HSPBAP1: variants seen among roughly 807,000 people sequenced by gnomAD.
The protein encoded by HSPBAP1 is HSPB1-associated protein 1.
In HSPBAP1, 27 loss-of-function variants were observed where a neutral mutation model predicts 45.2. The observed-to-expected ratio is 0.60, with a 90% CI of 0.44 to 0.82. HSPBAP1 has a LOEUF of 0.82. HSPBAP1 is among the 40% of genes least tolerant of loss of function. The pLI, the probability that HSPBAP1 is intolerant of heterozygous loss-of-function variation, is 0.00. For synonymous variants in HSPBAP1, 204 were observed against 202.7 expected (o/e 1.01, Z -0.06); for missense variants, 510 against 590.9 (o/e 0.86, Z 1.42).
chr3:122,772,529 G>C (rs1354483220), intron 2 of HSPBAP1, among the ~76,000 whole-genome samples: 1 of 151,864 alleles, frequency 6.6e-6, no homozygotes, highest in African/African-American at 2.4e-5. Flanking sequence ...AGTCAGTAGG[G>C]TAAAAAATAA....
intron 3 of HSPBAP1, among the ~76,000 whole-genome samples, chr3:122,763,986 A>G (rs1934687886): frequency 6.6e-6 from 1 of 152,030 alleles, no homozygotes; most frequent in South Asian, 2.1e-4. Flanking sequence ...TTAAAGTTCT[A>G]TGTTTTAGGG....
intron 1 of HSPBAP1, among the ~76,000 whole-genome samples, chr3:122,786,712 A>G (rs918005163): frequency 6.6e-5 from 10 of 152,228 alleles, no homozygotes; most frequent in Admixed American, 1.3e-4. Context: ...ATTAAATGCC[A>G]AAACATTTGC....
intron 6 of HSPBAP1, among the ~76,000 whole-genome samples, chr3:122,746,650 T>G (rs1190739330): frequency 6.6e-6 from 1 of 150,968 alleles, no homozygotes; most frequent in East Asian, 1.9e-4. Flanking sequence ...CCCTCTCCCC[T>G]CTCCCCACGG....
intron 2 of HSPBAP1, among the ~76,000 whole-genome samples, chr3:122,774,732 G>A (rs543235444): frequency 2.0e-5 from 3 of 152,132 alleles, no homozygotes; most frequent in Non-Finnish European, 2.9e-5. Flanking sequence ...CCCACTAGAG[G>A]ATGGCTGTGG....
intron 1 of HSPBAP1, among the ~76,000 whole-genome samples, chr3:122,780,703 T>A (rs1935419884): frequency 6.8e-6 from 1 of 148,002 alleles, no homozygotes; most frequent in Non-Finnish European, 1.5e-5. Flanking sequence ...GCGGAGAGGC[T>A]CCTCACTTCC....
At chr3:122,755,089 ATG>A (rs1211775139) in intron 5 of HSPBAP1, 169 bp downstream of exon 5, 3 of 1,225,378 alleles carry the variant, frequency 2.4e-6, no homozygotes, top group Non-Finnish European at 3.1e-6. Flanking sequence ...GCAGAGGTGT[ATG>A]TGTCTGAAGC....
chr3:122,754,463 G>T, intron 5 of HSPBAP1: 1 of 822,420 alleles, frequency 1.2e-6, no homozygotes, highest in Non-Finnish European at 1.5e-6. Context: ...ATTAGTTGTT[G>T]TCAGGGGCTG....
intron 1 of HSPBAP1, among the ~76,000 whole-genome samples, chr3:122,785,925 G>A (rs1284050409): frequency 3.3e-5 from 5 of 151,928 alleles, no homozygotes; most frequent in Non-Finnish European, 7.4e-5. Flanking sequence ...GTGCACGCGC[G>A]CACATATGGA....
At chr3:122,790,110 G>A (rs1428576502) in intron 1 of HSPBAP1, among the ~76,000 whole-genome samples, 1 of 152,104 alleles carries the variant, frequency 6.6e-6, no homozygotes, top group East Asian at 1.9e-4. Context: ...CGATCTGCCT[G>A]CCTCGCCTCC....
intron 1 of HSPBAP1, among the ~76,000 whole-genome samples, chr3:122,788,513 C>A (rs897745654): frequency 6.6e-6 from 1 of 152,176 alleles, no homozygotes; most frequent in Non-Finnish European, 1.5e-5. Context: ...ATGTTCACAG[C>A]AGCACTATTA....
Position 122,759,297 on chromosome 3 carries a change from C to T in HSPBAP1, c.496G>A (p.Gly166Ser). Residue 166 changes from glycine (G) to serine (S), a missense_variant, in exon 4 of 8, where the codon GGC becomes AGC. Gly to Ser is a moderately conservative substitution (Grantham distance 56). Coordinates refer to ENST00000306103, the MANE Select transcript of HSPBAP1 (RefSeq NM_024610.6). The part of the protein sequence containing the change: ...RNGQESTLWI[G>S]SLGAHTPCHL... ...CAGGGTGTGTGGGCTCCCAAGGAGC[C>T]AATCCACAATGTACTTTCCTGTCCA... The T allele has an allele frequency of 6.2e-7, 1 of 1,613,958 alleles. No homozygotes were observed. The highest frequency in any genetic ancestry group is 2.2e-5 in the East Asian group (1 of 44,880).
chr3:122,757,460 T>C (rs1934396115), intron 4 of HSPBAP1, among the ~76,000 whole-genome samples: 1 of 152,214 alleles, frequency 6.6e-6, no homozygotes, highest in African/African-American at 2.4e-5. Context: ...TGTGAAATCT[T>C]CCCTGATCTT....
chr3:122,772,597 A>T (rs1935039814), intron 2 of HSPBAP1, among the ~76,000 whole-genome samples: 1 of 152,160 alleles, frequency 6.6e-6, no homozygotes, highest in Admixed American at 6.5e-5. Flanking sequence ...GTGTAAAAAA[A>T]ATTCATTGAC....
chr3:122,756,194 A>G (rs994556185), intron 4 of HSPBAP1, among the ~76,000 whole-genome samples: 5 of 152,170 alleles, frequency 3.3e-5, no homozygotes, highest in African/African-American at 1.2e-4. Flanking sequence ...AAAAGAGGGA[A>G]AAACCTAGTT....
intron 4 of HSPBAP1, among the ~76,000 whole-genome samples, chr3:122,758,297 T>G (rs774679632): frequency 6.6e-6 from 1 of 152,170 alleles, no homozygotes; most frequent in African/African-American, 2.4e-5. Context: ...TAGACTCTCA[T>G]AGAACTCCAG....
intron 1 of HSPBAP1, among the ~76,000 whole-genome samples, chr3:122,780,658 C>G (rs1378771346): frequency 1.3e-5 from 2 of 148,524 alleles, no homozygotes; most frequent in African/African-American, 2.5e-5. Context: ...GGGGGCTGAC[C>G]CCCCCACCTC....
chr3:122,765,867 T>C (rs1296365422), intron 3 of HSPBAP1, among the ~76,000 whole-genome samples: 3 of 152,196 alleles, frequency 2.0e-5, no homozygotes, highest in African/African-American at 7.2e-5. Flanking sequence ...GGTTCAGATT[T>C]TTATACTGCA....
chr3:122,777,772 G>A lies in HSPBAP1; in HGVS notation c.199C>T (p.Leu67Phe). 1 of 1,613,898 alleles carries A rather than the reference G, an allele frequency of 6.2e-7. No homozygotes were observed. Among genetic ancestry groups the A allele is most frequent in the East Asian group, 2.2e-5 (1 of 44,860 alleles). Residue 67 changes from leucine to phenylalanine, a missense_variant, in exon 2 of 8, where the codon CTT (leucine) becomes TTT (phenylalanine). Physicochemically the swap from Leu to Phe is conservative, Grantham distance 22. Coordinates refer to ENST00000306103, the MANE Select transcript of HSPBAP1 (RefSeq NM_024610.6). ...CTGAATCGTATCTGCTTGCCATGAAGGACCTGCGAAAGGTATTTAGCATTC... is the reference window on the plus strand; with the variant it reads ...CTGAATCGTATCTGCTTGCCATGAAAGACCTGCGAAAGGTATTTAGCATTC... ...HWNAKYLSQV[L>F]HGKQIRFRMG...
In HSPBAP1 at chr3:122,755,402, T is replaced by A. The variant is rs746466636; in HGVS notation, c.599A>T (p.Asp200Val). The change falls in exon 5 of 8, where the codon GAT becomes GTT. Residue 200 changes from aspartate (D) to valine (V), a missense_variant. Coordinates refer to ENST00000306103, the MANE Select transcript of HSPBAP1 (RefSeq NM_024610.6). ...RKRWHLFPPE[D>V]TPFLYPTRIP... Reference sequence around the variant, plus strand: ...TCTAGTTGGATAAAGGAAAGGAGTATCTTCAGGAGGAAAGAGATGCCATCG... The same window carrying A: ...TCTAGTTGGATAAAGGAAAGGAGTAACTTCAGGAGGAAAGAGATGCCATCG... 2 of 1,534,336 alleles carry A rather than the reference T, an allele frequency of 1.3e-6. No individual in the cohort carries two copies. Among genetic ancestry groups the A allele is most frequent in the Admixed American group, 2.1e-5 (1 of 47,040 alleles).
Sources: allele counts gnomAD v4.1 joint callset (sites outside exome capture counted in the v4.1 genomes callset), GRCh38; gene constraint gnomAD v4.1.1; transcripts MANE v1.5; gene names NCBI Gene and HGNC (gene_info 2026-07-23, HGNC 2026-07-21).